Variants in PHF20 observed in about 807,000 individuals in gnomAD.
The protein encoded by PHF20 is PHD finger protein 20.
Under a neutral mutation model 113.5 loss-of-function variants are expected in PHF20, and 23 were observed. The observed-to-expected ratio is 0.20, with a 90% confidence interval of 0.15 to 0.29. The LOEUF is 0.29. PHF20 is among the 10% of genes least tolerant of loss of function. The probability of loss-of-function intolerance (pLI) is 1.00; values close to 1 mark genes in which losing one functional copy is unlikely to be tolerated. For missense variants in PHF20, 943 were observed against 1,219.6 expected, an observed-to-expected ratio of 0.77 and a Z score of 3.38; for synonymous variants, 434 against 457.3, an observed-to-expected ratio of 0.95 and a Z score of 0.65.
intron 1 of PHF20, among the ~76,000 whole-genome samples, chr20:35,773,919 A>T (rs1018862249): frequency 1.3e-5 from 2 of 152,236 alleles, no homozygotes; most frequent in South Asian, 4.1e-4. Flanking sequence ...TTTTTCCAGC[A>T]CTGCTTCTAG....
rs145553804 is a variant in PHF20, at chr20:35,797,858, G to A, written c.-32-3633G>A. ...GTAGAGACGGGGTTTCACCATGTTG[G>A]CTAGGATTGTCTCGATCTCTTGACC... On this transcript the variant is annotated intron_variant, in intron 1 of 17. Transcript: ENST00000374012. Among the ~76,000 whole-genome samples the A allele has an allele frequency of 1.2e-4, 18 of 151,912 alleles. No homozygotes were observed. In the East Asian group the frequency reaches 3.5e-3, roughly 30 times the overall value.
rs758001079 is a variant in PHF20 at position 35,940,814 on chromosome 20, G to T, written c.2713-50G>T. On this transcript the variant is annotated intron_variant, in intron 16 of 17. Transcript: ENST00000374012. ...TGGAAATGCTGGCTGGTTGAAAAATGGGCCAGGGGCTATCTCCATTCAGTA... is the reference window on the plus strand; with the variant it reads ...TGGAAATGCTGGCTGGTTGAAAAATTGGCCAGGGGCTATCTCCATTCAGTA... 9 of 1,475,620 alleles carry T rather than the reference G, an allele frequency of 6.1e-6. No individual in the cohort carries two copies. The South Asian group carries it at 1.1e-4, about 19-fold the overall frequency. 91.4% of individuals were successfully genotyped at this position (1,475,620 alleles called of 1,614,324 possible).
At position 35,876,053 on chromosome 20, in the gene PHF20, C is replaced by T. The variant is rs375284951; in HGVS notation, c.1282+4224C>T. Among the ~76,000 whole-genome samples, 52 of 152,048 alleles carry T rather than the reference C, an allele frequency of 3.4e-4. 1 individual carries two copies. In the East Asian group the frequency reaches 3.5e-3, roughly 10 times the overall value. Reference sequence around the variant, plus strand: ...GGATGATGATGAGATTTCATGTCGTCGTCTGCATCCTTACAAAGGTCTCAC... The same window carrying T: ...GGATGATGATGAGATTTCATGTCGTTGTCTGCATCCTTACAAAGGTCTCAC... On this transcript the variant is annotated intron_variant, in intron 9 of 17. Coordinates refer to ENST00000374012, the MANE Select transcript of PHF20 (RefSeq NM_016436.5).
At chr20:35,868,632 G>A (rs1007741187) in intron 6 of PHF20, among the ~76,000 whole-genome samples, 1 of 151,168 alleles carries the variant, frequency 6.6e-6, no homozygotes, top group Admixed American at 6.6e-5. Context: ...AAGCAAGCAA[G>A]CAAGCAAACA....
intron 9 of PHF20, among the ~76,000 whole-genome samples, chr20:35,888,241 A>G (rs1026085469): frequency 6.6e-6 from 1 of 152,142 alleles, no homozygotes; most frequent in African/African-American, 2.4e-5. Context: ...TTGACCTCTC[A>G]AAGTGTTGGG....
intron 1 of PHF20, among the ~76,000 whole-genome samples, chr20:35,795,349 C>T (rs1474598086): frequency 6.6e-6 from 1 of 152,004 alleles, no homozygotes; most frequent in East Asian, 1.9e-4. Context: ...ATTCTTCTGC[C>T]TCACCCTCCT....
chr20:35,791,479 AT>A (rs2041550652), intron 1 of PHF20, among the ~76,000 whole-genome samples: 1 of 132,568 alleles, frequency 7.5e-6, no homozygotes, highest in Non-Finnish European at 1.6e-5. Flanking sequence ...CTATCTATCT[AT>A]CTATCTATCT....
At chr20:35,878,144 A>G (rs2054564608) in intron 9 of PHF20, among the ~76,000 whole-genome samples, 1 of 152,158 alleles carries the variant, frequency 6.6e-6, no homozygotes, top group African/African-American at 2.4e-5. Flanking sequence ...GTGTGTGTCT[A>G]TGGTTTTTCA....
chr20:35,836,188 CT>C (rs879512807), intron 2 of PHF20, among the ~76,000 whole-genome samples: 33 of 145,212 alleles, frequency 2.3e-4, no homozygotes, highest in African/African-American at 1.8e-4. Flanking sequence ...TTTTTTTTAA[CT>C]TTTTTTTTTT....
At chr20:35,786,306 G>T (rs1420160209) in intron 1 of PHF20, among the ~76,000 whole-genome samples, 1 of 151,760 alleles carries the variant, frequency 6.6e-6, no homozygotes, top group Non-Finnish European at 1.5e-5. Context: ...CAGGAGAATC[G>T]CTTGAACTAG....
chr20:35,786,296 C>T (rs530542697), intron 1 of PHF20, among the ~76,000 whole-genome samples: 5 of 152,188 alleles, frequency 3.3e-5, no homozygotes, highest in Middle Eastern at 6.8e-3. Context: ...GAGGCTGAGG[C>T]AGGAGAATCG....
At chr20:35,856,888 G>A (rs1310939602) in intron 4 of PHF20, among the ~76,000 whole-genome samples, 1 of 152,156 alleles carries the variant, frequency 6.6e-6, no homozygotes, top group Non-Finnish European at 1.5e-5. Context: ...GGGAAATAAG[G>A]TTTGGAAAAT....
intron 2 of PHF20, among the ~76,000 whole-genome samples, chr20:35,828,868 A>G (rs555712253): frequency 5.3e-5 from 8 of 152,220 alleles, no homozygotes; most frequent in Non-Finnish European, 1.0e-4. Context: ...GCAAAATGCA[A>G]CTTTGTTAGC....
At chr20:35,899,902 G>A (rs1408660246) in intron 10 of PHF20, among the ~76,000 whole-genome samples, 1 of 152,176 alleles carries the variant, frequency 6.6e-6, no homozygotes, top group Non-Finnish European at 1.5e-5. Context: ...AGTATGAGTG[G>A]GGACAGTCAA....
chr20:35,909,428 TG>T (rs1344084778), intron 10 of PHF20, among the ~76,000 whole-genome samples: 23 of 152,020 alleles, frequency 1.5e-4, no homozygotes, highest in Admixed American at 1.5e-3. Flanking sequence ...ATTGAAACCA[TG>T]GCTAATAATA....
intron 1 of PHF20, among the ~76,000 whole-genome samples, chr20:35,786,948 C>T (rs915934743): frequency 6.6e-6 from 1 of 150,404 alleles, no homozygotes; most frequent in African/African-American, 2.4e-5. Flanking sequence ...CTTCTTGAAT[C>T]TATATACCCA....
intron 2 of PHF20, among the ~76,000 whole-genome samples, chr20:35,806,791 C>CTTTTTTTTTTT (rs751352334): frequency 8.8e-6 from 1 of 113,012 alleles, no homozygotes; most frequent in Middle Eastern, 5.4e-3. Context: ...GACCTTTACT[C>CTTTTTTTTTTT]TTTTTTTTTT....
intron 2 of PHF20, among the ~76,000 whole-genome samples, chr20:35,803,484 C>T (rs1303913931): frequency 1.1e-4 from 17 of 151,106 alleles, no homozygotes; most frequent in Non-Finnish European, 1.6e-4. Context: ...CCACGATGCC[C>T]GGCCAATTTT....
chr20:35,920,018 A>G (rs183092660), intron 13 of PHF20, among the ~76,000 whole-genome samples: 1 of 152,334 alleles, frequency 6.6e-6, no homozygotes, highest in African/African-American at 2.4e-5. Context: ...TTGTGTGTGC[A>G]TATAGCTCTG....
Sources: gnomAD v4.1 joint callset for allele counts (sites outside exome capture counted in the v4.1 genomes callset) on GRCh38, gnomAD v4.1.1 for gene constraint, MANE v1.5 for transcripts, NCBI Gene and HGNC (gene_info 2026-07-23, HGNC 2026-07-21) for gene names.